The following EPM2A variants were observed in gnomAD, a reference collection of about 807,000 sequenced individuals.
The protein encoded by EPM2A is laforin.
In EPM2A, 21 loss-of-function variants were observed where a neutral mutation model predicts 26.5. The observed-to-expected ratio is 0.79, with a 90% CI of 0.56 to 1.14. The LOEUF is 1.14. Ranked by LOEUF, EPM2A falls within the 50% of genes most tolerant of loss-of-function variation. EPM2A has a pLI of 0.00. For synonymous variants in EPM2A, 217 were observed against 177.6 expected (o/e 1.22, Z -1.76); for missense variants, 458 against 440.8 (o/e 1.04, Z -0.35).
chr6:145,403,001 T>C (rs746370503), intron 4 of EPM2A, among the ~76,000 whole-genome samples: 2 of 152,176 alleles, frequency 1.3e-5, no homozygotes, highest in Admixed American at 6.6e-5. Flanking sequence ...TTCTCAAACT[T>C]CTGTAACTTT....
At chr6:145,730,531 C>T (rs893479333) in intron 1 of EPM2A, among the ~76,000 whole-genome samples, 1 of 152,172 alleles carries the variant, frequency 6.6e-6, no homozygotes, top group African/African-American at 2.4e-5. Flanking sequence ...CCTAGCTTGA[C>T]AGAGTCAATT....
At chr6:145,535,513 C>T (rs1780419194) in intron 2 of EPM2A, among the ~76,000 whole-genome samples, 1 of 152,184 alleles carries the variant, frequency 6.6e-6, no homozygotes, top group African/African-American at 2.4e-5. Context: ...AGAACCACCA[C>T]AGTAGGTGGG....
chr6:145,596,802 T>C (rs1781349044), intron 2 of EPM2A, among the ~76,000 whole-genome samples: 1 of 150,482 alleles, frequency 6.6e-6, no homozygotes, highest in African/African-American at 2.4e-5. Flanking sequence ...AGATTCTCTC[T>C]AAGCCTTCAA....
chr6:145,691,788 A>G (rs1200177167), intron 1 of EPM2A, among the ~76,000 whole-genome samples: 1 of 152,102 alleles, frequency 6.6e-6, no homozygotes, highest in African/African-American at 2.4e-5. Context: ...TTCTAAAAAA[A>G]TGTTCAATTA....
At chr6:145,723,131 A>G (rs1776026674) in intron 1 of EPM2A, among the ~76,000 whole-genome samples, 1 of 152,226 alleles carries the variant, frequency 6.6e-6, no homozygotes, top group Non-Finnish European at 1.5e-5. Context: ...TATATCAAAT[A>G]TGCTCTAACA....
At chr6:145,717,098 T>A (rs919523140) in intron 1 of EPM2A, among the ~76,000 whole-genome samples, 55 of 152,092 alleles carry the variant, frequency 3.6e-4, no homozygotes, top group African/African-American at 1.3e-3. Context: ...AAAGAGGGAA[T>A]CCTCCCTAAC....
chr6:145,402,583 G>C (rs1047300034), intron 4 of EPM2A, among the ~76,000 whole-genome samples: 1 of 152,094 alleles, frequency 6.6e-6, no homozygotes, highest in Non-Finnish European at 1.5e-5. Context: ...TAAGTGAGAA[G>C]ATATTCTTGT....
intron 1 of EPM2A, among the ~76,000 whole-genome samples, chr6:145,730,474 C>T (rs1055398526): frequency 1.3e-5 from 2 of 152,212 alleles, no homozygotes; most frequent in East Asian, 1.9e-4. Context: ...TGACACTGCA[C>T]GTGACATCCA....
intron 4 of EPM2A, among the ~76,000 whole-genome samples, chr6:145,493,158 T>C (rs1392641843): frequency 6.6e-6 from 1 of 152,230 alleles, no homozygotes; most frequent in African/African-American, 2.4e-5. Context: ...GTGTGCTCAG[T>C]TGGACACCTG....
At chr6:145,578,018 C>T (rs1183467159) in intron 2 of EPM2A, among the ~76,000 whole-genome samples, 1 of 151,812 alleles carries the variant, frequency 6.6e-6, no homozygotes, top group Non-Finnish European at 1.5e-5. Flanking sequence ...AATGGAAACA[C>T]AAGATACCAA....
intron 1 of EPM2A, among the ~76,000 whole-genome samples, chr6:145,714,766 A>G (rs945166909): frequency 6.6e-6 from 1 of 152,244 alleles, no homozygotes; most frequent in African/African-American, 2.4e-5. Flanking sequence ...TTCTAAAGCC[A>G]TCAGATCTCA....
intron 2 of EPM2A, among the ~76,000 whole-genome samples, chr6:145,584,137 G>C (rs1781154441): frequency 1.3e-5 from 2 of 152,230 alleles, no homozygotes; most frequent in South Asian, 2.1e-4. Context: ...CAAAGCAATG[G>C]GGGATGGCTG....
intron 2 of EPM2A, among the ~76,000 whole-genome samples, chr6:145,551,377 GATGTAATAGTGGCTTAGT>G (rs1449780834): frequency 6.6e-6 from 1 of 151,964 alleles, no homozygotes; most frequent in African/African-American, 2.4e-5. Flanking sequence ...TCAAGTTTCT[GATGTAATAGTGGCTTAGT>G]ACACAGGAAG....
chr6:145,448,315 T>C (rs868109498), intron 4 of EPM2A, among the ~76,000 whole-genome samples: 3 of 152,080 alleles, frequency 2.0e-5, no homozygotes, highest in African/African-American at 7.2e-5. Context: ...TTACCCAAAC[T>C]TATAGGAAAC....
intron 4 of EPM2A, among the ~76,000 whole-genome samples, chr6:145,454,955 C>A (rs1012708304): frequency 6.7e-6 from 1 of 149,670 alleles, no homozygotes; most frequent in African/African-American, 2.4e-5. Context: ...GGAAATTGTA[C>A]AATTGTGTGC....
chr6:145,522,533 T>C (rs1193614185), intron 2 of EPM2A, among the ~76,000 whole-genome samples: 1 of 152,140 alleles, frequency 6.6e-6, no homozygotes, highest in East Asian at 1.9e-4. Flanking sequence ...ATTTAATCTC[T>C]TAAATCTATA....
At chr6:145,471,428 A>G (rs146323996) in intron 4 of EPM2A, among the ~76,000 whole-genome samples, 117 of 152,254 alleles carry the variant, frequency 7.7e-4, no homozygotes, top group African/African-American at 2.7e-3. Flanking sequence ...TACACAGGAA[A>G]AACACAATCA....
At chr6:145,623,616 C>A (rs983782829), downstream of EPM2A, among the ~76,000 whole-genome samples, 1 of 152,262 alleles carries the variant, frequency 6.6e-6, no homozygotes, top group African/African-American at 2.4e-5. Flanking sequence ...CCTTGAGTGA[C>A]GTGAGAGTCA....
At chr6:145,586,518 A>G (rs905822336) in intron 2 of EPM2A, among the ~76,000 whole-genome samples, 3 of 152,166 alleles carry the variant, frequency 2.0e-5, no homozygotes, top group Non-Finnish European at 4.4e-5. Context: ...TTTAATTTAT[A>G]TTAATTTTCT....
Sources: allele counts gnomAD v4.1 joint callset (sites outside exome capture counted in the v4.1 genomes callset), GRCh38; gene constraint gnomAD v4.1.1; transcripts MANE v1.5; gene names NCBI Gene and HGNC (gene_info 2026-07-23, HGNC 2026-07-21).